PEAK1: variants seen among roughly 807,000 people sequenced by gnomAD.
The protein encoded by PEAK1 is pseudopodium enriched atypical kinase 1, also known as inactive tyrosine-protein kinase PEAK1.
PEAK1 carries 54 observed loss-of-function variants against 124.7 expected under a neutral mutation model. The observed-to-expected ratio is 0.43, with a 90% CI of 0.35 to 0.54. The LOEUF is 0.54. Among genes scored for constraint, PEAK1 ranks in the 20% least tolerant of loss-of-function variants. PEAK1 has a pLI of 0.01. For missense variants in PEAK1, 2,046 were observed against 2,134.5 expected (o/e 0.96, Z 0.82); for synonymous variants, 719 against 760.0 (o/e 0.95, Z 0.89).
At chr15:77,212,513 T>C (rs575733163) in intron 6 of PEAK1, among the ~76,000 whole-genome samples, 9 of 152,318 alleles carry the variant, frequency 5.9e-5, no homozygotes, top group African/African-American at 2.2e-4. Flanking sequence ...ATTTATACAA[T>C]TGTGTCATCT....
intron 6 of PEAK1, among the ~76,000 whole-genome samples, chr15:77,213,244 CAAAG>C (rs1318928546): frequency 2.0e-5 from 3 of 151,904 alleles, no homozygotes; most frequent in African/African-American, 7.3e-5. Flanking sequence ...TCCCTATACA[CAAAG>C]AAATTAGCCT....
At chr15:77,278,121 A>G (rs12916044) in intron 5 of PEAK1, among the ~76,000 whole-genome samples, 10,992 of 152,118 alleles carry the variant, frequency 0.072, 557 homozygotes, top group Non-Finnish European at 0.1. Context: ...GGTATGTGGG[A>G]TATCTCTGTA....
chr15:77,304,113 T>C (rs1443512525), intron 2 of PEAK1, among the ~76,000 whole-genome samples: 2 of 152,222 alleles, frequency 1.3e-5, no homozygotes, highest in African/African-American at 4.8e-5. Context: ...CCAGGTAGTG[T>C]GAGTACTACA....
At chr15:77,127,232 C>T (rs1165131781) in intron 9 of PEAK1, among the ~76,000 whole-genome samples, 6 of 152,138 alleles carry the variant, frequency 3.9e-5, no homozygotes, top group Non-Finnish European at 7.3e-5. Context: ...CACTAGAAGC[C>T]AAATCAGCTA....
At chr15:77,207,009 T>G (rs1183102751) in intron 6 of PEAK1, among the ~76,000 whole-genome samples, 3 of 152,168 alleles carry the variant, frequency 2.0e-5, no homozygotes, top group East Asian at 3.9e-4. Flanking sequence ...AAACAAGAAA[T>G]GGGGAAAGGA....
At chr15:77,199,156 T>C (rs1393892954) in intron 6 of PEAK1, among the ~76,000 whole-genome samples, 1 of 152,236 alleles carries the variant, frequency 6.6e-6, no homozygotes, top group Non-Finnish European at 1.5e-5. Flanking sequence ...CTGCCACTCT[T>C]GTTTATACAG....
rs374338301 is a variant in PEAK1 at position 77,316,510 on chromosome 15, G to A, written c.-602-30006C>T. Among the ~76,000 whole-genome samples, 23 of 152,262 alleles carry A rather than the reference G, an allele frequency of 1.5e-4. No homozygotes were observed. The East Asian group carries it at 3.7e-3, about 24-fold the overall frequency. On this transcript the variant is annotated intron_variant, in intron 2 of 9. Coordinates refer to ENST00000682557, the MANE Select transcript of PEAK1 (RefSeq NM_001385026.1). ...AGTCTCTCTAATAAGCACTTACATA[G>A]CTCCCTGTACTGCTCTTTCCTAGTG... is the stretch of plus-strand genomic sequence containing the variant.
intron 6 of PEAK1, 94 bp from the exon 7 acceptor site, chr15:77,182,134 A>G: frequency 8.6e-7 from 1 of 1,162,194 alleles, no homozygotes; most frequent in Non-Finnish European, 1.1e-6. Flanking sequence ...CTCCATTCCT[A>G]AACTTTTCCT....
At chr15:77,394,901 A>G (rs1229473021) in intron 1 of PEAK1, among the ~76,000 whole-genome samples, 2 of 152,150 alleles carry the variant, frequency 1.3e-5, no homozygotes, top group Non-Finnish European at 2.9e-5. Context: ...GGGGATGGAT[A>G]CCCCATTCTC....
intron 9 of PEAK1, 132 bp downstream of exon 9, chr15:77,132,873 T>C: frequency 1.2e-6 from 1 of 820,846 alleles, no homozygotes; most frequent in Non-Finnish European, 1.9e-6. Flanking sequence ...ATCTAGTATC[T>C]GGTAAGAGGT....
Position 77,270,585 on chromosome 15 carries a change from C to G in PEAK1, c.-275+13298G>C, listed in dbSNP as rs146959961. Among the ~76,000 whole-genome samples, 67 of 152,210 alleles carry G rather than the reference C, an allele frequency of 4.4e-4. No individual in the cohort carries two copies. In the East Asian group the frequency reaches 0.012, roughly 27 times the overall value. On this transcript the variant is annotated intron_variant, in intron 5 of 9. Transcript: ENST00000682557. ...CCAACTTACAAGGGATGTAAAGGACCTTTTCAAGGAGAACTACAAACCACT... is the reference window on the plus strand; with the variant it reads ...CCAACTTACAAGGGATGTAAAGGACGTTTTCAAGGAGAACTACAAACCACT...
intron 8 of PEAK1, among the ~76,000 whole-genome samples, chr15:77,138,880 G>C (rs1263570793): frequency 7.1e-6 from 1 of 140,664 alleles, no homozygotes; most frequent in African/African-American, 2.6e-5. Context: ...AAAAAAAATT[G>C]TTTTTTCTTT....
chr15:77,264,237 G>T lies in PEAK1; in HGVS notation c.-274-11711C>A, dbSNP rs1455206230. Among the ~76,000 whole-genome samples, 3 of 152,002 alleles carry T rather than the reference G, an allele frequency of 2.0e-5. No homozygotes were observed. In the East Asian group the frequency reaches 5.8e-4, roughly 29 times the overall value. On this transcript the variant is annotated intron_variant, in intron 5 of 9. Transcript: ENST00000682557. Reference sequence around the variant, plus strand: ...TCTCACCACTCCTATTCAACATAGTGTTGGAAGTTCTGGCCAGGGCAATCA... The same window carrying T: ...TCTCACCACTCCTATTCAACATAGTTTTGGAAGTTCTGGCCAGGGCAATCA...
In PEAK1 at chr15:77,375,322, T is replaced by G. The variant is rs150420873; in HGVS notation, c.-665-10097A>C. On this transcript the variant is annotated intron_variant, in intron 1 of 9. Transcript: ENST00000682557. ...CAGTCAGCTAGTAAGTGGCAAAGATTCAAACTCATAGTTGACTACCCAACA... is the reference window on the plus strand; with the variant it reads ...CAGTCAGCTAGTAAGTGGCAAAGATGCAAACTCATAGTTGACTACCCAACA... Among the ~76,000 whole-genome samples, 76 of 152,260 alleles carry G rather than the reference T, an allele frequency of 5.0e-4. No homozygotes were observed. The East Asian group carries it at 0.014, about 28-fold the overall frequency.
At chr15:77,290,550 G>A (rs2063161157) in intron 2 of PEAK1, among the ~76,000 whole-genome samples, 2 of 151,918 alleles carry the variant, frequency 1.3e-5, no homozygotes, top group East Asian at 3.9e-4. Flanking sequence ...ACCTTGCCCA[G>A]CTTCTTCTTC....
intron 6 of PEAK1, among the ~76,000 whole-genome samples, chr15:77,214,632 A>G (rs1051350466): frequency 1.3e-5 from 2 of 151,934 alleles, no homozygotes; most frequent in Non-Finnish European, 2.9e-5. Context: ...TCCAAAAAAA[A>G]AAAAAAGAAA....
chr15:77,235,583 C>T (rs2152902685), intron 6 of PEAK1, among the ~76,000 whole-genome samples: 1 of 152,300 alleles, frequency 6.6e-6, no homozygotes, highest in East Asian at 1.9e-4. Flanking sequence ...GGAAAATTTG[C>T]AGCCTGAAAT....
chr15:77,181,312 C>T lies in PEAK1; in HGVS notation c.615G>A (p.Gln205=). Residue 205 remains glutamine, a synonymous_variant, in exon 7 of 10, where the codon CAG becomes CAA. Transcript: ENST00000682557. ...TCCCACTCAGAATAACATGCTTGCC[C>T]TGAGTTTCCTTTATCCCACCTATCA... ...SCMIGGIKET[Q]GKHVILSGST... 6.2e-7 allele frequency: 1 copy of T among 1,614,156 alleles called. No individual in the cohort carries two copies. The highest frequency in any genetic ancestry group is 1.7e-5 in the Admixed American group (1 of 60,030).
intron 1 of PEAK1, 36 bp from the exon 2 acceptor site, chr15:77,365,261 C>T (rs2068143602): frequency 1.1e-6 from 1 of 889,676 alleles, no homozygotes; most frequent in East Asian, 1.2e-4. Context: ...AAGACATGGT[C>T]AATATGGTTG....
Sources: allele counts gnomAD v4.1 joint callset (sites outside exome capture counted in the v4.1 genomes callset), GRCh38; gene constraint gnomAD v4.1.1; transcripts MANE v1.5; gene names NCBI Gene and HGNC (gene_info 2026-07-23, HGNC 2026-07-21).